TNIP3: variants seen among roughly 807,000 people sequenced by gnomAD.
The protein encoded by TNIP3 is TNFAIP3-interacting protein 3.
A neutral mutation model predicts 54.1 loss-of-function variants in TNIP3; 34 were observed. That is an observed-to-expected ratio of 0.63 (90% CI 0.48 to 0.84). The LOEUF (loss-of-function observed/expected upper bound fraction) is 0.84. Ranked by LOEUF, TNIP3 falls within the 40% of genes least tolerant of loss-of-function variation. The pLI is 0.00. For synonymous variants in TNIP3, 134 were observed against 136.8 expected (o/e 0.98, Z 0.14); for missense variants, 366 against 387.6 (o/e 0.94, Z 0.47).
At chr4:121,166,332 G>A (rs1460108801), upstream of TNIP3, among the ~76,000 whole-genome samples, 1 of 152,192 alleles carries the variant, frequency 6.6e-6, no homozygotes, top group Non-Finnish European at 1.5e-5. Flanking sequence ...TTTGGTTTCA[G>A]AAAAATGAGA....
intron 7 of TNIP3, 24 bp from the exon 8 acceptor site, chr4:121,142,800 G>A: frequency 6.3e-7 from 1 of 1,599,834 alleles, no homozygotes. Flanking sequence ...AAAGGCATTT[G>A]TTAATCAAGA....
rs1728465477 is a variant in TNIP3 at position 121,131,454 on chromosome 4, TTAAG to T, written c.*1173_*1176del. The T allele has an allele frequency of 6.6e-6, 1 of 151,932 alleles. No homozygotes were observed. The highest frequency in any genetic ancestry group is 1.5e-5 in the Non-Finnish European group (1 of 67,996). 9.4% of individuals were successfully genotyped at this position (151,932 alleles called of 1,614,324 possible). A position where few individuals can be genotyped will look rare whatever the true frequency, so the allele number is the denominator to read the frequency against. On this transcript the variant is annotated 3_prime_UTR_variant, in exon 11 of 11. Coordinates refer to ENST00000057513, the MANE Select transcript of TNIP3 (RefSeq NM_024873.6). ...TTTTAATTGGCTTGAGAAGTCAGAA[TTAAG>T]TTTTTCATTAAAATTAATCAAATCC...
intron 2 of TNIP3, among the ~76,000 whole-genome samples, chr4:121,208,485 A>G (rs1373014538): frequency 1.3e-5 from 2 of 152,066 alleles, no homozygotes; most frequent in East Asian, 1.9e-4. Flanking sequence ...AACCTAACCA[A>G]TCAGCACTAC....
intron 1 of TNIP3, among the ~76,000 whole-genome samples, chr4:121,222,849 A>G (rs1579516771): frequency 1.7e-5 from 2 of 116,980 alleles, no homozygotes; most frequent in Non-Finnish European, 3.2e-5. Context: ...TCTGTCACCC[A>G]GGCTAGAGTG....
At chr4:121,158,246 G>A (rs1730227977) in intron 3 of TNIP3, among the ~76,000 whole-genome samples, 1 of 152,140 alleles carries the variant, frequency 6.6e-6, no homozygotes, top group Admixed American at 6.5e-5. Flanking sequence ...CATTTTCACT[G>A]TTACCACCAT....
intron 10 of TNIP3, chr4:121,138,040 A>T: frequency 2.2e-6 from 1 of 448,012 alleles, no homozygotes; most frequent in Admixed American, 2.5e-5. Flanking sequence ...GAAAATGTTA[A>T]ATCAATAAAA....
At chr4:121,207,378 T>G (rs1330657425) in intron 2 of TNIP3, among the ~76,000 whole-genome samples, 1 of 152,182 alleles carries the variant, frequency 6.6e-6, no homozygotes, top group African/African-American at 2.4e-5. Flanking sequence ...AAAATTCCAT[T>G]AAGTTTAAAT....
intron 2 of TNIP3, among the ~76,000 whole-genome samples, chr4:121,192,549 C>T (rs879606610): frequency 6.6e-6 from 1 of 152,110 alleles, no homozygotes; most frequent in African/African-American, 2.4e-5. Context: ...TGAAAAGCTT[C>T]TATCGAGCTT....
At chr4:121,219,902 C>A (rs975716249), upstream of TNIP3, among the ~76,000 whole-genome samples, 1 of 152,086 alleles carries the variant, frequency 6.6e-6, no homozygotes, top group Non-Finnish European at 1.5e-5. Flanking sequence ...ACACATAATA[C>A]CTTCCTGGAA....
In TNIP3 at chr4:121,132,799, G is replaced by C. The variant is rs28525244; in HGVS notation, c.947-137C>G. ...TGTTATATTCATAAGCTCCCCACAA[G>C]TTTACACTGAGAAATCAAGAAGCGG... On this transcript the variant is annotated intron_variant, in intron 10 of 10. Transcript: ENST00000057513. The C allele has an allele frequency of 0.015, 10,443 of 681,412 alleles. 833 individuals are homozygous for C. The African/African-American group carries it at 0.17, about 11-fold the overall frequency. The allele number at this position is 681,412 out of a possible 1,614,324, so 42.2% of individuals were successfully genotyped here. A position where few individuals can be genotyped will look rare whatever the true frequency, so the allele number is the denominator to read the frequency against.
intron 5 of TNIP3, among the ~76,000 whole-genome samples, chr4:121,151,597 T>G (rs1717658988): frequency 6.6e-6 from 1 of 152,186 alleles, no homozygotes; most frequent in African/African-American, 2.4e-5. Flanking sequence ...AGTTCAATTT[T>G]TTTTTTTCAA....
chr4:121,160,037 A>G (rs1284939482), intron 2 of TNIP3, among the ~76,000 whole-genome samples: 1 of 152,214 alleles, frequency 6.6e-6, no homozygotes, highest in African/African-American at 2.4e-5. Flanking sequence ...TTGGCATTTT[A>G]GGGATTCCCA....
In TNIP3 at chr4:121,154,600, G is replaced by C. The variant is rs374033583; in HGVS notation, c.443C>G (p.Ala148Gly). Reference protein sequence around the residue: ...NKLLKGKNTLANKEKEHYECE... With the variant: ...NKLLKGKNTLGNKEKEHYECE... ...TTCGTAATGTTCCTTTTCCTTGTTCGCAAGAGTATTTTTTCCCTTTAAAAG... is the reference window on the plus strand; with the variant it reads ...TTCGTAATGTTCCTTTTCCTTGTTCCCAAGAGTATTTTTTCCCTTTAAAAG... Residue 148 changes from alanine to glycine, a missense_variant, in exon 5 of 11, where the codon GCG (alanine) becomes GGG (glycine). Coordinates refer to ENST00000057513, the MANE Select transcript of TNIP3 (RefSeq NM_024873.6). 1 of 1,613,606 alleles carries C rather than the reference G, an allele frequency of 6.2e-7. No individual in the cohort carries two copies.
At chr4:121,173,518 T>A (rs2198316) in intron 3 of TNIP3, among the ~76,000 whole-genome samples, 9,029 of 152,232 alleles carry the variant, frequency 0.059, 298 homozygotes, top group Non-Finnish European at 0.062. Flanking sequence ...AGTTTTTTTT[T>A]AAAAATTATT....
At position 121,213,781 on chromosome 4, in the gene TNIP3, C is replaced by T. The variant is rs192528403; in HGVS notation, c.68+2634G>A. On this transcript the variant is annotated intron_variant, in intron 2 of 12. Coordinates refer to the TNIP3 transcript ENST00000507879. ...TTCTTACAATATTACCACAGGAAAG[C>T]ATCTGCTTTAGAAAAATTAAAATAT... is the stretch of plus-strand genomic sequence containing the variant. Among the ~76,000 whole-genome samples, 43 of 150,480 alleles carry T rather than the reference C, an allele frequency of 2.9e-4. No homozygotes were observed. The Middle Eastern group carries it at 0.01, about 36-fold the overall frequency.
At position 121,173,765 on chromosome 4, in the gene TNIP3, G is replaced by A. The variant is rs979993853; in HGVS notation, c.189+8911C>T. Among the ~76,000 whole-genome samples the A allele has an allele frequency of 3.3e-5, 5 of 152,048 alleles. No individual in the cohort carries two copies. In the South Asian group the frequency reaches 1.0e-3, roughly 32 times the overall value. On this transcript the variant is annotated intron_variant, in intron 3 of 12. Coordinates refer to the TNIP3 transcript ENST00000507879. ...TGTCTCAGCTTCCCGAGCAGCTGGG[G>A]TTACAGGTGTGTGTCACCATGCCCA...
chr4:121,157,300 T>TG, intron 3 of TNIP3, 57 bp from the exon 4 acceptor site: 1 of 1,610,488 alleles, frequency 6.2e-7, no homozygotes, highest in Non-Finnish European at 8.5e-7. Flanking sequence ...CACAAGCCCC[T>TG]GGATTTATTC....
intron 1 of TNIP3, among the ~76,000 whole-genome samples, chr4:121,162,787 C>T (rs1730530909): frequency 6.6e-6 from 1 of 152,202 alleles, no homozygotes; most frequent in Non-Finnish European, 1.5e-5. Context: ...ATTTCTAATA[C>T]ATTTCCTAGG....
chr4:121,178,358 C>T (rs111572391), intron 3 of TNIP3, among the ~76,000 whole-genome samples: 4 of 152,274 alleles, frequency 2.6e-5, no homozygotes, highest in South Asian at 2.1e-4. Flanking sequence ...ACCTGAACAA[C>T]GACAAAGTGA....
Sources: gnomAD v4.1 joint callset for allele counts (sites outside exome capture counted in the v4.1 genomes callset) on GRCh38, gnomAD v4.1.1 for gene constraint, MANE v1.5 for transcripts, NCBI Gene and HGNC (gene_info 2026-07-23, HGNC 2026-07-21) for gene names.